ADCY8: variants seen among roughly 807,000 people sequenced by gnomAD.
ADCY8 encodes the protein adenylate cyclase type 8.
ADCY8 carries 51 observed loss-of-function variants against 119.7 expected under a neutral mutation model. The observed-to-expected ratio is 0.43, with a 90% CI of 0.34 to 0.54. The LOEUF is 0.54. Among genes scored for constraint, ADCY8 ranks in the 20% least tolerant of loss-of-function variants. The pLI, the probability that ADCY8 is intolerant of heterozygous loss-of-function variation, is 0.03. For missense variants in ADCY8, 1,383 were observed against 1,598.8 expected, an observed-to-expected ratio of 0.87 and a Z score of 2.30; for synonymous variants, 665 against 651.0, an observed-to-expected ratio of 1.02 and a Z score of -0.33.
intron 1 of ADCY8, among the ~76,000 whole-genome samples, chr8:130,995,011 C>T (rs1563760279): frequency 6.6e-6 from 1 of 152,098 alleles, no homozygotes; most frequent in Non-Finnish European, 1.5e-5. Context: ...TGTCAATTTC[C>T]CAGATTACTA....
intron 2 of ADCY8, among the ~76,000 whole-genome samples, chr8:130,965,644 C>T (rs1165844080): frequency 1.3e-5 from 2 of 152,170 alleles, no homozygotes; most frequent in East Asian, 1.9e-4. Context: ...CATGAACCCA[C>T]ATTCAAACTT....
intron 4 of ADCY8, 157 bp downstream of exon 4, chr8:130,943,194 C>T: frequency 1.8e-6 from 1 of 553,582 alleles, no homozygotes. Flanking sequence ...TAGCTAACAT[C>T]AGTCCCCAGA....
intron 5 of ADCY8, among the ~76,000 whole-genome samples, chr8:130,936,026 T>C (rs1294291389): frequency 6.6e-6 from 1 of 151,226 alleles, no homozygotes; most frequent in Non-Finnish European, 1.5e-5. Context: ...CTTCCCTAGA[T>C]CAATTAAGTC....
intron 5 of ADCY8, among the ~76,000 whole-genome samples, chr8:130,919,259 AG>A (rs1358188340): frequency 3.3e-5 from 5 of 151,968 alleles, no homozygotes; most frequent in Non-Finnish European, 7.4e-5. Flanking sequence ...GAGTGTGGGG[AG>A]TCCTGGCCAA....
intron 2 of ADCY8, among the ~76,000 whole-genome samples, chr8:130,985,152 G>A (rs1419125201): frequency 2.0e-5 from 3 of 152,118 alleles, no homozygotes; most frequent in African/African-American, 7.2e-5. Flanking sequence ...GGGGGTTGGG[G>A]GGTGACTCAG....
chr8:130,876,617 T>C (rs1818574746), intron 8 of ADCY8, among the ~76,000 whole-genome samples: 1 of 152,172 alleles, frequency 6.6e-6, no homozygotes, highest in Non-Finnish European at 1.5e-5. Flanking sequence ...TTATCAAGAT[T>C]GTGTCTGTTG....
chr8:130,882,011 T>A (rs922167095), intron 8 of ADCY8, among the ~76,000 whole-genome samples: 18 of 152,034 alleles, frequency 1.2e-4, no homozygotes, highest in Non-Finnish European at 2.2e-4. Context: ...AAGGGGGTTG[T>A]CCCACTAGCC....
At position 130,849,760 on chromosome 8, in the gene ADCY8, G is replaced by A; in HGVS notation, c.2254C>T (p.His752Tyr). 1.2e-6 allele frequency: 2 copies of A among 1,613,684 alleles called. No individual in the cohort carries two copies. The highest frequency in any genetic ancestry group is 3.3e-5 in the Admixed American group (2 of 60,006). ...TIQFSILIML[H>Y]SALVLITTAE... is the part of the protein sequence containing the mutation. ...GTGGTGATGAGGACCAGAGCCGAGT[G>A]CAGCATAATCAGAATGGAGAACTGG... Residue 752 changes from histidine to tyrosine, a missense_variant, in exon 10 of 18, where the codon CAC becomes TAC. Coordinates refer to ENST00000286355, the MANE Select transcript of ADCY8 (RefSeq NM_001115.3).
chr8:131,009,332 C>T (rs1823226643), intron 1 of ADCY8, among the ~76,000 whole-genome samples: 1 of 152,218 alleles, frequency 6.6e-6, no homozygotes, highest in South Asian at 2.1e-4. Flanking sequence ...AAGGGGCCAA[C>T]ATCAGCTTGG....
chr8:130,906,281 C>T (rs1449805024), intron 6 of ADCY8, among the ~76,000 whole-genome samples: 2 of 152,202 alleles, frequency 1.3e-5, no homozygotes, highest in Non-Finnish European at 2.9e-5. Flanking sequence ...TGAGTTAAGA[C>T]TGGAAGCTTA....
chr8:130,787,796 C>T (rs1815303260), intron 15 of ADCY8, among the ~76,000 whole-genome samples: 1 of 151,388 alleles, frequency 6.6e-6, no homozygotes, highest in East Asian at 1.9e-4. Context: ...TGGGTGCACA[C>T]ACACATGTGT....
chr8:131,029,980 TAG>T (rs1823947485), intron 1 of ADCY8, among the ~76,000 whole-genome samples: 1 of 152,134 alleles, frequency 6.6e-6, no homozygotes, highest in Non-Finnish European at 1.5e-5. Context: ...TGCTAGCTGC[TAG>T]AGACACAAAG....
At chr8:130,885,436 A>G (rs1209368838) in intron 7 of ADCY8, among the ~76,000 whole-genome samples, 1 of 152,090 alleles carries the variant, frequency 6.6e-6, no homozygotes. Context: ...ACCATTTCAC[A>G]GGGTTACACA....
At chr8:130,854,606 A>C (rs1817647363) in intron 9 of ADCY8, among the ~76,000 whole-genome samples, 1 of 152,234 alleles carries the variant, frequency 6.6e-6, no homozygotes, top group Admixed American at 6.5e-5. Flanking sequence ...CAACAGATGA[A>C]AATACTGTGA....
intron 17 of ADCY8, 74 bp downstream of exon 17, chr8:130,783,617 G>T: frequency 2.8e-6 from 3 of 1,057,088 alleles, no homozygotes; most frequent in Non-Finnish European, 4.2e-6. Flanking sequence ...CTGGATTGAT[G>T]CCCAAGGCAG....
intron 2 of ADCY8, among the ~76,000 whole-genome samples, chr8:130,978,969 T>C (rs1249387634): frequency 9.9e-5 from 15 of 152,174 alleles, no homozygotes; most frequent in Admixed American, 8.5e-4. Flanking sequence ...AGATGGCCCC[T>C]GGACCAAGCT....
At position 130,780,302 on chromosome 8, in the gene ADCY8, T is replaced by G. The variant is rs1257237526; in HGVS notation, c.*88A>C. ...ATTCAAAGACCAACGAAACCATCCT[T>G]GTTCTAAAAAAAATTAAACCTTTTT... On this transcript the variant is annotated 3_prime_UTR_variant, in exon 18 of 18. Coordinates refer to ENST00000286355, the MANE Select transcript of ADCY8 (RefSeq NM_001115.3). The G allele has an allele frequency of 9.6e-7, 1 of 1,043,170 alleles. No individual in the cohort carries two copies. The highest frequency in any genetic ancestry group is 1.7e-5 in the African/African-American group (1 of 60,246). The allele number at this position is 1,043,170 out of a possible 1,614,324, so 64.6% of individuals were successfully genotyped here.
At chr8:130,829,994 C>A (rs1418641503) in intron 12 of ADCY8, among the ~76,000 whole-genome samples, 1 of 152,178 alleles carries the variant, frequency 6.6e-6, no homozygotes, top group Non-Finnish European at 1.5e-5. Flanking sequence ...AGCTGCTGTT[C>A]TTCACACAAT....
intron 2 of ADCY8, among the ~76,000 whole-genome samples, chr8:130,977,580 A>C (rs1178290468): frequency 6.6e-6 from 1 of 152,246 alleles, no homozygotes; most frequent in African/African-American, 2.4e-5. Context: ...ATAAATATGG[A>C]CTACACCACT....
Sources: gnomAD v4.1 joint callset for allele counts (sites outside exome capture counted in the v4.1 genomes callset) on GRCh38, gnomAD v4.1.1 for gene constraint, MANE v1.5 for transcripts, NCBI Gene and HGNC (gene_info 2026-07-23, HGNC 2026-07-21) for gene names.